Variants in PITPNB observed in about 807,000 individuals in gnomAD.
PITPNB encodes phosphatidylinositol transfer protein beta isoform.
Under a neutral mutation model 45.9 loss-of-function variants are expected in PITPNB, and 16 were observed. The observed-to-expected ratio is 0.35, with a 90% CI of 0.24 to 0.53. PITPNB has a LOEUF of 0.53. Among genes scored for constraint, PITPNB ranks in the 20% least tolerant of loss-of-function variants. PITPNB has a pLI of 0.93. For synonymous variants in PITPNB, 112 were observed against 108.9 expected, an observed-to-expected ratio of 1.03 and a Z score of -0.18; for missense variants, 188 against 330.5, an observed-to-expected ratio of 0.57 and a Z score of 3.34.
At chr22:27,870,413 G>A (rs1934621398) in intron 8 of PITPNB, among the ~76,000 whole-genome samples, 1 of 152,198 alleles carries the variant, frequency 6.6e-6, no homozygotes, top group Admixed American at 6.5e-5. Context: ...CATAGGATTT[G>A]CATTTAGCTT....
intron 7 of PITPNB, among the ~76,000 whole-genome samples, chr22:27,891,245 T>G (rs1935270125): frequency 6.6e-6 from 1 of 152,198 alleles, no homozygotes; most frequent in Non-Finnish European, 1.5e-5. Context: ...TATGTGTATT[T>G]TATCCCAATA....
intron 7 of PITPNB, among the ~76,000 whole-genome samples, chr22:27,878,653 A>G (rs1934886163): frequency 6.6e-6 from 1 of 152,218 alleles, no homozygotes; most frequent in Non-Finnish European, 1.5e-5. Context: ...TTATCTTTGC[A>G]TGATCTATGA....
intron 8 of PITPNB, among the ~76,000 whole-genome samples, chr22:27,866,274 T>C (rs533776784): frequency 1.3e-5 from 2 of 152,224 alleles, no homozygotes; most frequent in Non-Finnish European, 2.9e-5. Flanking sequence ...AGTTTGTATA[T>C]TCACTGAATT....
chr22:27,894,593 G>A lies in PITPNB; in HGVS notation c.418C>T (p.His140Tyr), dbSNP rs1392340784. Residue 140 changes from histidine to tyrosine, a missense_variant, in exon 7 of 12, where the codon CAT (histidine) becomes TAT (tyrosine). His to Tyr is a moderately conservative substitution (Grantham distance 83). Coordinates refer to ENST00000335272, the MANE Select transcript of PITPNB (RefSeq NM_012399.5). Reference sequence around the variant, plus strand: ...TGACTTCTATCTGCAATATCTATATGGACAATTTCAACAGTTTTCCATGTG... The same window carrying A: ...TGACTTCTATCTGCAATATCTATATAGACAATTTCAACAGTTTTCCATGTG... ...PNTWKTVEIV[H>Y]IDIADRSQVE... 6.2e-7 allele frequency: 1 copy of A among 1,603,792 alleles called. No individual in the cohort carries two copies. The highest frequency in any genetic ancestry group is 1.7e-5 in the Admixed American group (1 of 59,994).
At chr22:27,873,892 C>A (rs1934742583) in intron 7 of PITPNB, 77 bp from the exon 8 acceptor site, 1 of 905,316 alleles carries the variant, frequency 1.1e-6, no homozygotes, top group Non-Finnish European at 1.8e-6. Context: ...TAGCTCTTCG[C>A]AGCTACCAAA....
intron 7 of PITPNB, among the ~76,000 whole-genome samples, chr22:27,887,074 A>C (rs1935142954): frequency 6.6e-6 from 1 of 152,164 alleles, no homozygotes; most frequent in Non-Finnish European, 1.5e-5. Context: ...ACATTCATTT[A>C]AGGGAGAAAA....
intron 8 of PITPNB, among the ~76,000 whole-genome samples, chr22:27,872,953 TA>T (rs1934710901): frequency 6.6e-6 from 1 of 151,978 alleles, no homozygotes; most frequent in Non-Finnish European, 1.5e-5. Context: ...ATGAATAAAG[TA>T]AGGGTGTGCA....
In PITPNB at chr22:27,853,308, C is replaced by T. The variant is rs1195192222; in HGVS notation, c.*394G>A. The stretch of plus-strand genomic sequence containing the variant: ...GTCAATTTGTCCATTAATGGTATTA[C>T]TCTGATAATTATTAAAATCTGTTCC... On this transcript the variant is annotated 3_prime_UTR_variant, in exon 12 of 12. Transcript: ENST00000335272. 9.3e-6 allele frequency: 3 copies of T among 320,912 alleles called. No individual in the cohort carries two copies. The highest frequency in any genetic ancestry group is 5.0e-5 in the East Asian group (1 of 19,976). The allele number at this position is 320,912 out of a possible 1,614,324, so 19.9% of individuals were successfully genotyped here.
intron 7 of PITPNB, among the ~76,000 whole-genome samples, chr22:27,890,222 C>A (rs887322593): frequency 3.3e-5 from 5 of 151,884 alleles, no homozygotes; most frequent in Non-Finnish European, 7.4e-5. Flanking sequence ...TTCAACACCG[C>A]CCACCCCCAC....
Position 27,916,798 on chromosome 22 carries a change from C to CA in PITPNB, c.20+2373dup, listed in dbSNP as rs796825922. Among the ~76,000 whole-genome samples, 1,352 of 142,976 alleles carry CA rather than the reference C, an allele frequency of 9.5e-3. 10 individuals are homozygous for CA. The highest frequency in any genetic ancestry group is 0.032 in the East Asian group (161 of 4,964). 93.8% of individuals were successfully genotyped at this position (142,976 alleles called of 152,430 possible). On this transcript the variant is annotated intron_variant, in intron 1 of 11. Transcript: ENST00000335272. ...AGCCTGGGCAACAGAGACTCCGCCT[C>CA]AAAAAAAAAACATAAAAATAAAAAA...
At chr22:27,879,205 T>C (rs1934900778) in intron 7 of PITPNB, among the ~76,000 whole-genome samples, 1 of 152,194 alleles carries the variant, frequency 6.6e-6, no homozygotes, top group Non-Finnish European at 1.5e-5. Context: ...ACTGTCATGT[T>C]TATGGAGGCA....
At position 27,873,656 on chromosome 22, in the gene PITPNB, G is replaced by A. The variant is rs1012992359; in HGVS notation, c.534+82C>T. ...TGCCATTTCTATTTTTCACTTAAAC[G>A]TCACCAGCTCTTCAAGACTCAGGAC... On this transcript the variant is annotated intron_variant, in intron 8 of 11. Coordinates refer to ENST00000335272, the MANE Select transcript of PITPNB (RefSeq NM_012399.5). 38 of 825,842 alleles carry A rather than the reference G, an allele frequency of 4.6e-5. No individual in the cohort carries two copies. In the Admixed American group the frequency reaches 6.3e-4, roughly 14 times the overall value. The allele number at this position is 825,842 out of a possible 1,614,324, so 51.2% of individuals were successfully genotyped here.
chr22:27,853,542 CAT>C lies in PITPNB; in HGVS notation c.*158_*159del. The C allele has an allele frequency of 1.7e-6, 2 of 1,175,810 alleles. No homozygotes were observed. Among genetic ancestry groups the C allele is most frequent in the Admixed American group, 2.0e-5 (1 of 50,536 alleles). 72.8% of individuals were successfully genotyped at this position (1,175,810 alleles called of 1,614,324 possible). Reference sequence around the variant, plus strand: ...ATACACACGTGGTTGAGAACCTGTGCATGTGTGTGTATCATCACAAGCACACA... The same window carrying C: ...ATACACACGTGGTTGAGAACCTGTGCGTGTGTGTATCATCACAAGCACACA... On this transcript the variant is annotated 3_prime_UTR_variant, in exon 12 of 12. Coordinates refer to ENST00000335272, the MANE Select transcript of PITPNB (RefSeq NM_012399.5).
chr22:27,859,823 C>T (rs1934270453), intron 9 of PITPNB, among the ~76,000 whole-genome samples: 1 of 152,198 alleles, frequency 6.6e-6, no homozygotes, highest in South Asian at 2.1e-4. Flanking sequence ...AGGATCAGAA[C>T]ACCAGGTCCT....
chr22:27,868,368 C>T (rs1934546157), intron 8 of PITPNB, among the ~76,000 whole-genome samples: 1 of 152,154 alleles, frequency 6.6e-6, no homozygotes, highest in Non-Finnish European at 1.5e-5. Flanking sequence ...CTATCCCTGG[C>T]CAAAAAAATT....
At chr22:27,917,728 T>C (rs1409565810) in intron 1 of PITPNB, among the ~76,000 whole-genome samples, 1 of 152,034 alleles carries the variant, frequency 6.6e-6, no homozygotes, top group African/African-American at 2.4e-5. Flanking sequence ...GATATGAGAG[T>C]GAGCAAAACA....
At chr22:27,864,710 G>C (rs1428709719) in intron 8 of PITPNB, among the ~76,000 whole-genome samples, 1 of 152,134 alleles carries the variant, frequency 6.6e-6, no homozygotes, top group East Asian at 1.9e-4. Context: ...GGCCGAGGCA[G>C]GTGGATCACC....
intron 2 of PITPNB, among the ~76,000 whole-genome samples, chr22:27,911,404 C>T (rs1321368363): frequency 6.6e-6 from 1 of 152,134 alleles, no homozygotes; most frequent in Non-Finnish European, 1.5e-5. Context: ...GAAAATGTCT[C>T]GAAACTTGGT....
Position 27,912,627 on chromosome 22 carries a change from T to C in PITPNB, c.52-1518A>G, listed in dbSNP as rs544769527. 4.0e-5 allele frequency among the ~76,000 whole-genome samples: 6 copies of C among 151,484 alleles called. No homozygotes were observed. The South Asian group carries it at 1.3e-3, about 32-fold the overall frequency. ...CTTAGTTTTCTCTCATTCTCCTTTTTTAAGAATAAAAAATTAAAAAAAAAA... is the reference window on the plus strand; with the variant it reads ...CTTAGTTTTCTCTCATTCTCCTTTTCTAAGAATAAAAAATTAAAAAAAAAA... On this transcript the variant is annotated intron_variant, in intron 2 of 11. Coordinates refer to ENST00000335272, the MANE Select transcript of PITPNB (RefSeq NM_012399.5).
Sources: gnomAD v4.1 joint callset for allele counts (sites outside exome capture counted in the v4.1 genomes callset) on GRCh38, gnomAD v4.1.1 for gene constraint, MANE v1.5 for transcripts, NCBI Gene and HGNC (gene_info 2026-07-23, HGNC 2026-07-21) for gene names.